The following GPIHBP1 variants were observed in gnomAD, a reference collection of about 807,000 sequenced individuals.
GPIHBP1 encodes the protein glycosylphosphatidylinositol anchored high density lipoprotein binding protein 1, also known as glycosylphosphatidylinositol-anchored high density lipoprotein-binding protein 1.
In GPIHBP1, 11 loss-of-function variants were observed where a neutral mutation model predicts 13.0. The observed-to-expected ratio is 0.84, with a 90% CI of 0.53 to 1.40. GPIHBP1 has a LOEUF of 1.40. Ranked by LOEUF, GPIHBP1 falls within the 40% of genes most tolerant of loss-of-function variation. GPIHBP1 has a pLI of 0.00. For synonymous variants in GPIHBP1, 106 were observed against 102.2 expected, an observed-to-expected ratio of 1.04 and a Z score of -0.22; for missense variants, 231 against 241.1, an observed-to-expected ratio of 0.96 and a Z score of 0.28.
chr8:143,213,473 G>A (rs1816251365), intron 1 of GPIHBP1, among the ~76,000 whole-genome samples, 154 bp downstream of exon 1: 2 of 151,916 alleles, frequency 1.3e-5, no homozygotes, highest in African/African-American at 4.8e-5. Flanking sequence ...GCTGGCCTGG[G>A]TCCCCGAGAG....
At position 143,213,854 on chromosome 8, in the gene GPIHBP1, G is replaced by A. The variant is rs747597519; in HGVS notation, c.85G>A (p.Glu29Lys). 10 of 1,558,442 alleles carry A rather than the reference G, an allele frequency of 6.4e-6. No homozygotes were observed. The highest frequency in any genetic ancestry group is 2.4e-5 in the South Asian group (2 of 84,532). ...RGQTQQEEEE[E>K]DEDHGPDDYD... is the part of the protein sequence containing the mutation. ...GCAGACACAGCAGGAGGAAGAGGAAGAGGACGAGGACCACGGGCCAGATGA... is the reference window on the plus strand; with the variant it reads ...GCAGACACAGCAGGAGGAAGAGGAAAAGGACGAGGACCACGGGCCAGATGA... The change falls in exon 2 of 4, where the codon GAG becomes AAG. Residue 29 changes from glutamate (E) to lysine (K), a missense_variant. Glu to Lys is a moderately conservative substitution (Grantham distance 56, BLOSUM62 1). Coordinates refer to ENST00000622500, the MANE Select transcript of GPIHBP1 (RefSeq NM_178172.6).
chr8:143,213,242 TC>T lies in GPIHBP1; in HGVS notation c.-25del. On this transcript the variant is annotated 5_prime_UTR_variant, in exon 1 of 4. Coordinates refer to ENST00000622500, the MANE Select transcript of GPIHBP1 (RefSeq NM_178172.6). ...CAGAGCCCTGCGGGAGGACTCAGAG[TC>T]AGGGACACAGCAGCGTCCGGCGAGA... is the stretch of plus-strand genomic sequence containing the variant. 1 of 1,584,306 alleles carries T rather than the reference TC, an allele frequency of 6.3e-7. No individual in the cohort carries two copies. Among genetic ancestry groups the T allele is most frequent in the Non-Finnish European group, 8.6e-7 (1 of 1,169,546 alleles).
At chr8:143,213,723 G>T in intron 1 of GPIHBP1, 99 bp from the exon 2 acceptor site, 1 of 1,534,494 alleles carries the variant, frequency 6.5e-7, no homozygotes, top group Non-Finnish European at 8.8e-7. Context: ...CCCGAGGATG[G>T]CTGGGGAGGG....
intron 1 of GPIHBP1, among the ~76,000 whole-genome samples, chr8:143,213,552 G>A (rs1816253127): frequency 6.6e-6 from 1 of 151,954 alleles, no homozygotes; most frequent in Admixed American, 6.6e-5. Flanking sequence ...CCAGCCCACA[G>A]CAGCTGCTGT....
Position 143,214,949 on chromosome 8 carries a change from G to A in GPIHBP1, c.182-64G>A. 1.8e-6 allele frequency: 2 copies of A among 1,111,614 alleles called. No homozygotes were observed. The allele number at this position is 1,111,614 out of a possible 1,614,324, so 68.9% of individuals were successfully genotyped here. On this transcript the variant is annotated intron_variant, in intron 2 of 3. Coordinates refer to ENST00000622500, the MANE Select transcript of GPIHBP1 (RefSeq NM_178172.6). The surrounding 1 kb of genome is among the most constrained non-coding windows in gnomAD (Gnocchi z 4.1). The stretch of plus-strand genomic sequence containing the variant: ...GGAGCACAGCTGAGAACGGGGAGGT[G>A]GACAGGGACGTGGGAGGAGACCCTG...
In GPIHBP1 at chr8:143,214,952, C is replaced by T; in HGVS notation, c.182-61C>T. On this transcript the variant is annotated intron_variant, in intron 2 of 3. Coordinates refer to ENST00000622500, the MANE Select transcript of GPIHBP1 (RefSeq NM_178172.6). This position sits in a 1 kb window ranked among gnomAD's most constrained non-coding sequence, Gnocchi z 4.1. ...GCACAGCTGAGAACGGGGAGGTGGA[C>T]AGGGACGTGGGAGGAGACCCTGGGG... 1.8e-6 allele frequency: 2 copies of T among 1,136,480 alleles called. No individual in the cohort carries two copies. Among genetic ancestry groups the T allele is most frequent in the South Asian group, 1.3e-5 (1 of 75,104 alleles). 70.4% of individuals were successfully genotyped at this position (1,136,480 alleles called of 1,614,324 possible). A position where few individuals can be genotyped will look rare whatever the true frequency, so the allele number is the denominator to read the frequency against.
rs926012836 is a variant in GPIHBP1, at chr8:143,214,930, C to G, written c.182-83C>G. ...CTCACCAGGCTAGGCTTTGGGAGCA[C>G]AGCTGAGAACGGGGAGGTGGACAGG... On this transcript the variant is annotated intron_variant, in intron 2 of 3. Transcript: ENST00000622500. The surrounding 1 kb of genome is among the most constrained non-coding windows in gnomAD (Gnocchi z 4.1). 20 of 957,706 alleles carry G rather than the reference C, an allele frequency of 2.1e-5. No homozygotes were observed. The African/African-American group carries it at 3.1e-4, about 15-fold the overall frequency. 59.3% of individuals were successfully genotyped at this position (957,706 alleles called of 1,614,324 possible). A position where few individuals can be genotyped will look rare whatever the true frequency, so the allele number is the denominator to read the frequency against.
chr8:143,216,980 TC>T lies in GPIHBP1; in HGVS notation c.*1464del, dbSNP rs1360890627. The T allele has an allele frequency of 6.6e-6, 1 of 152,356 alleles. No homozygotes were observed. The highest frequency in any genetic ancestry group is 1.5e-5 in the Non-Finnish European group (1 of 68,130). The allele number at this position is 152,356 out of a possible 1,614,324, so 9.4% of individuals were successfully genotyped here. ...CCTAGATGGTGGGGTCACGTCTTTC[TC>T]CTTCTCCTTCCTCCTTCTGCTGGCT... On this transcript the variant is annotated 3_prime_UTR_variant, in exon 4 of 4. Coordinates refer to ENST00000622500, the MANE Select transcript of GPIHBP1 (RefSeq NM_178172.6).
chr8:143,215,710 AC>A lies in GPIHBP1; in HGVS notation c.*194del, dbSNP rs1816298425. On this transcript the variant is annotated 3_prime_UTR_variant, in exon 4 of 4. Coordinates refer to ENST00000622500, the MANE Select transcript of GPIHBP1 (RefSeq NM_178172.6). ...GCTGTGTCCTTGGTGTCCTTTCTCC[AC>A]CACCTGTGAGCAGCAAGACTGCCGC... 1.6e-6 allele frequency: 1 copy of A among 607,162 alleles called. No individual in the cohort carries two copies. Among genetic ancestry groups the A allele is most frequent in the Non-Finnish European group, 2.9e-6 (1 of 344,226 alleles). 37.6% of individuals were successfully genotyped at this position (607,162 alleles called of 1,614,324 possible).
At position 143,213,291 on chromosome 8, in the gene GPIHBP1, G is replaced by T. The variant is rs757328428; in HGVS notation, c.24G>T (p.Leu8=). 4 of 1,597,788 alleles carry T rather than the reference G, an allele frequency of 2.5e-6. No homozygotes were observed. The East Asian group carries it at 9.0e-5, about 36-fold the overall frequency. The part of the protein sequence containing the change: MKALGAV[L]LALLLFGRPG... Reference sequence around the variant, plus strand: ...AGATGAAGGCGCTCGGGGCTGTCCTGCTTGCCCTCTTGCTGTTCGGGCGGC... The same window carrying T: ...AGATGAAGGCGCTCGGGGCTGTCCTTCTTGCCCTCTTGCTGTTCGGGCGGC... Residue 8 remains leucine (L), a synonymous_variant, in exon 1 of 4, where the codon CTG becomes CTT. Coordinates refer to ENST00000622500, the MANE Select transcript of GPIHBP1 (RefSeq NM_178172.6).
In GPIHBP1 at chr8:143,214,689, C is replaced by T. The variant is rs1816273748; in HGVS notation, c.182-324C>T. 6.6e-6 allele frequency among the ~76,000 whole-genome samples: 1 copy of T among 152,204 alleles called. No homozygotes were observed. The highest frequency in any genetic ancestry group is 6.5e-5 in the Admixed American group (1 of 15,286). On this transcript the variant is annotated intron_variant, in intron 2 of 3. Coordinates refer to ENST00000622500, the MANE Select transcript of GPIHBP1 (RefSeq NM_178172.6). The surrounding 1 kb of genome is among the most constrained non-coding windows in gnomAD (Gnocchi z 4.1). ...AGGCCCTCCTCTGCCAGGCCTGGTG[C>T]TCCTGGAGGCAGGACTGAGTCAGAC...
chr8:143,214,663 G>C lies in GPIHBP1; in HGVS notation c.182-350G>C, dbSNP rs1372081292. Among the ~76,000 whole-genome samples the C allele has an allele frequency of 6.6e-6, 1 of 152,080 alleles. No homozygotes were observed. The highest frequency in any genetic ancestry group is 1.5e-5 in the Non-Finnish European group (1 of 68,004). ...CACACACCCACGAGGTGTCCCCTGT[G>C]AGGCCCTCCTCTGCCAGGCCTGGTG... On this transcript the variant is annotated intron_variant, in intron 2 of 3. Transcript: ENST00000622500. The surrounding 1 kb of genome is among the most constrained non-coding windows in gnomAD (Gnocchi z 4.1).
Position 143,215,868 on chromosome 8 carries a change from T to G in GPIHBP1, c.*350T>G. The G allele has an allele frequency of 8.6e-6, 3 of 349,860 alleles. No homozygotes were observed. The highest frequency in any genetic ancestry group is 5.3e-6 in the Non-Finnish European group (1 of 189,900). The allele number at this position is 349,860 out of a possible 1,614,324, so 21.7% of individuals were successfully genotyped here. ...CACACCTGGGGGCCCCCACACCCAG[T>G]CCTCACCCTTAACTTCTGCCATGGG... On this transcript the variant is annotated 3_prime_UTR_variant, in exon 4 of 4. Transcript: ENST00000622500.
rs1816307535 is a variant in GPIHBP1 at position 143,216,138 on chromosome 8, G to A, written c.*620G>A. The A allele has an allele frequency of 6.5e-6, 1 of 153,924 alleles. No homozygotes were observed. Among genetic ancestry groups the A allele is most frequent in the East Asian group, 1.9e-4 (1 of 5,164 alleles). The allele number at this position is 153,924 out of a possible 1,614,324, so 9.5% of individuals were successfully genotyped here. A position where few individuals can be genotyped will look rare whatever the true frequency, so the allele number is the denominator to read the frequency against. On this transcript the variant is annotated 3_prime_UTR_variant, in exon 4 of 4. Transcript: ENST00000622500. Reference sequence around the variant, plus strand: ...GGCTGGGGGGACAGGCACCAAGTATGAAGAGGATGGGGCCAGCGGGGCCTG... The same window carrying A: ...GGCTGGGGGGACAGGCACCAAGTATAAAGAGGATGGGGCCAGCGGGGCCTG...
At position 143,213,876 on chromosome 8, in the gene GPIHBP1, A is replaced by T; in HGVS notation, c.107A>T (p.Asp36Val). 1 of 1,553,790 alleles carries T rather than the reference A, an allele frequency of 6.4e-7. No individual in the cohort carries two copies. Among genetic ancestry groups the T allele is most frequent in the Non-Finnish European group, 8.7e-7 (1 of 1,148,322 alleles). Residue 36 changes from aspartate to valine, a missense_variant, in exon 2 of 4, where the codon GAT (aspartate) becomes GTT (valine). Coordinates refer to ENST00000622500, the MANE Select transcript of GPIHBP1 (RefSeq NM_178172.6). ...GAAGAGGACGAGGACCACGGGCCAGATGACTACGACGAGGAAGATGAGGAT... is the reference window on the plus strand; with the variant it reads ...GAAGAGGACGAGGACCACGGGCCAGTTGACTACGACGAGGAAGATGAGGAT... ...EEEEDEDHGP[D>V]DYDEEDEDEV...
chr8:143,215,447 G>A lies in GPIHBP1; in HGVS notation c.484G>A (p.Glu162Lys), dbSNP rs373297994. 82 of 1,612,334 alleles carry A rather than the reference G, an allele frequency of 5.1e-5. No individual in the cohort carries two copies. Among genetic ancestry groups the A allele is most frequent in the Non-Finnish European group, 5.8e-5 (69 of 1,179,918 alleles). Residue 162 changes from glutamate to lysine, a missense_variant, in exon 4 of 4, where the codon GAA becomes AAA. Physicochemically the swap from Glu to Lys is moderately conservative, Grantham distance 56. Coordinates refer to ENST00000622500, the MANE Select transcript of GPIHBP1 (RefSeq NM_178172.6). ...KGAGGPRGSS[E>K]TVGAALLLNL... ...GGCAGGCGGCCCCCGGGGCAGCTCC[G>A]AAACTGTGGGCGCAGCCCTCCTGCT...
In GPIHBP1 at chr8:143,214,958, C is replaced by T. The variant is rs150327266; in HGVS notation, c.182-55C>T. On this transcript the variant is annotated intron_variant, in intron 2 of 3. Transcript: ENST00000622500. This position sits in a 1 kb window ranked among gnomAD's most constrained non-coding sequence, Gnocchi z 4.1. ...CTGAGAACGGGGAGGTGGACAGGGA[C>T]GTGGGAGGAGACCCTGGGGGGCCCG... is the stretch of plus-strand genomic sequence containing the variant. 1,124 of 1,193,324 alleles carry T rather than the reference C, an allele frequency of 9.4e-4. No individual in the cohort carries two copies. Among genetic ancestry groups the T allele is most frequent in the Non-Finnish European group, 1.3e-3 (1,078 of 824,222 alleles). The allele number at this position is 1,193,324 out of a possible 1,614,324, so 73.9% of individuals were successfully genotyped here.
In GPIHBP1 at chr8:143,215,535, AC is replaced by A; in HGVS notation, c.*22del. The A allele has an allele frequency of 3.4e-6, 3 of 873,418 alleles. No individual in the cohort carries two copies. The highest frequency in any genetic ancestry group is 3.2e-6 in the Non-Finnish European group (2 of 634,306). 54.1% of individuals were successfully genotyped at this position (873,418 alleles called of 1,614,324 possible). A position where few individuals can be genotyped will look rare whatever the true frequency, so the allele number is the denominator to read the frequency against. The stretch of plus-strand genomic sequence containing the variant: ...AGACCCTGACCCACGGCCCCTCCCC[AC>A]CCCCACCCGGCTCACCCCCGGCCCT... On this transcript the variant is annotated 3_prime_UTR_variant, in exon 4 of 4. Coordinates refer to ENST00000622500, the MANE Select transcript of GPIHBP1 (RefSeq NM_178172.6).
At chr8:143,215,206 C>G in intron 3 of GPIHBP1, 53 bp from the exon 4 acceptor site, 1 of 1,612,432 alleles carries the variant, frequency 6.2e-7, no homozygotes, top group Non-Finnish European at 8.5e-7. Context: ...CCTGCAGAGC[C>G]ACCTCAGAGA....
Sources: allele counts gnomAD v4.1 joint callset (sites outside exome capture counted in the v4.1 genomes callset), GRCh38; gene constraint gnomAD v4.1.1; non-coding constraint Gnocchi (gnomAD v3.1); transcripts MANE v1.5; gene names NCBI Gene and HGNC (gene_info 2026-07-23, HGNC 2026-07-21).